The following USH1C variants were observed in gnomAD, a reference collection of about 807,000 sequenced individuals.
The protein encoded by USH1C is USH1 protein network component harmonin.
USH1C carries 90 observed loss-of-function variants against 119.3 expected under a neutral mutation model. That is an observed-to-expected ratio of 0.75 (90% CI 0.64 to 0.90). The LOEUF is 0.90. Ranked by LOEUF, USH1C falls within the 40% of genes least tolerant of loss-of-function variation. The pLI, the probability that USH1C is intolerant of heterozygous loss-of-function variation, is 0.00. For synonymous variants in USH1C, 465 were observed against 443.3 expected (o/e 1.05, Z -0.62); for missense variants, 1,165 against 1,167.7 (o/e 1.00, Z 0.03).
At chr11:17,521,295 C>A (rs1351801731) in intron 13 of USH1C, 51 bp downstream of exon 13, 2 of 1,601,658 alleles carry the variant, frequency 1.2e-6, no homozygotes, top group South Asian at 2.2e-5. Context: ...CCACACTCCC[C>A]TGAGCACACT....
intron 12 of USH1C, 147 bp from the exon 13 acceptor site, chr11:17,521,558 C>T (rs573613890): frequency 1.7e-5 from 13 of 782,138 alleles, no homozygotes; most frequent in African/African-American, 5.1e-5. Context: ...TTTTGGGGGA[C>T]GTTATCTAAC....
intron 2 of USH1C, among the ~76,000 whole-genome samples, chr11:17,533,042 G>C (rs1851057487): frequency 6.6e-6 from 1 of 152,122 alleles, no homozygotes; most frequent in African/African-American, 2.4e-5. Flanking sequence ...CAATCTGTCT[G>C]GCTCACAACT....
Position 17,526,362 on chromosome 11 carries a change from C to G in USH1C, c.659G>C (p.Arg220Pro), listed in dbSNP as rs754055631. The G allele has an allele frequency of 3.7e-6, 6 of 1,613,744 alleles. No individual in the cohort carries two copies. The African/African-American group carries it at 8.0e-5, about 22-fold the overall frequency. The change falls in exon 8 of 27, where the codon CGA (arginine) becomes CCA (proline). Residue 220 changes from arginine (R) to proline (P), a missense_variant. By Grantham distance (103) the Arg-to-Pro change is moderately radical. Transcript: ENST00000005226. ...KKVFISLVGS[R>P]GLGCSISSGP... The stretch of plus-strand genomic sequence containing the variant: ...TGCCACCCACCTGCAGCCAAGGCCT[C>G]GGGAGCCTACCAGGCTGATGAAGAC...
chr11:17,498,321 C>T (rs1341563136), intron 23 of USH1C, 50 bp from the exon 24 acceptor site: 7 of 1,564,286 alleles, frequency 4.5e-6, no homozygotes, highest in Middle Eastern at 1.7e-4. Context: ...GTGACACGTG[C>T]CTGGCCCAGG....
At position 17,530,170 on chromosome 11, in the gene USH1C, C is replaced by T. The variant is rs1850894831; in HGVS notation, c.387+984G>A. Among the ~76,000 whole-genome samples, 2 of 152,196 alleles carry T rather than the reference C, an allele frequency of 1.3e-5. 1 individual carries two copies. The highest frequency in any genetic ancestry group is 4.1e-4 in the South Asian group (2 of 4,832). ...CCCTTGAAAGCCCCAAGCTTGGCAG[C>T]CTGGATTGGGATGTTGATAACAAAC... On this transcript the variant is annotated intron_variant, in intron 4 of 26. Transcript: ENST00000005226.
In USH1C at chr11:17,523,241, G is replaced by T. The variant is rs757670837; in HGVS notation, c.846C>A (p.Arg282=). The change falls in exon 11 of 27, where the codon CGC becomes CGA. Residue 282 remains arginine (R), a synonymous_variant. Coordinates refer to ENST00000005226, the MANE Select transcript of USH1C (RefSeq NM_153676.4). ...CAGCTACAATGGAGATGGTCAGGCT[G>T]CGGCTACTCTTCAGCACATTTACAG... is the stretch of plus-strand genomic sequence containing the variant. ...KEAVNVLKSS[R]SLTISIVAAA... is the part of the protein sequence containing the mutation. The T allele has an allele frequency of 6.2e-7, 1 of 1,614,190 alleles. No homozygotes were observed. Among genetic ancestry groups the T allele is most frequent in the South Asian group, 1.1e-5 (1 of 91,086 alleles).
At chr11:17,520,331 G>T (rs1028371803) in intron 14 of USH1C, among the ~76,000 whole-genome samples, 1 of 152,232 alleles carries the variant, frequency 6.6e-6, no homozygotes, top group South Asian at 2.1e-4. Context: ...TGGGTGTCTG[G>T]GAGAGGCCTC....
chr11:17,524,182 T>G (rs1311607405), intron 9 of USH1C, among the ~76,000 whole-genome samples: 1 of 152,226 alleles, frequency 6.6e-6, no homozygotes, highest in African/African-American at 2.4e-5. Context: ...CAATGTCTGA[T>G]GCAAGTGGAC....
rs1849831755 is a variant in USH1C, at chr11:17,510,331, A to C, written c.1530+74T>G. 9 of 1,274,310 alleles carry C rather than the reference A, an allele frequency of 7.1e-6. No individual in the cohort carries two copies. The Admixed American group carries it at 1.4e-4, about 20-fold the overall frequency. The allele number at this position is 1,274,310 out of a possible 1,614,324, so 78.9% of individuals were successfully genotyped here. ...AGTGACGTTTGCTAGTTGTCATCTC[A>C]CCTCCCGCTGTCCCCACAGTGGGTC... On this transcript the variant is annotated intron_variant, in intron 17 of 26. Transcript: ENST00000005226.
intron 1 of USH1C, among the ~76,000 whole-genome samples, chr11:17,537,951 C>CT (rs1851294820): frequency 6.6e-6 from 1 of 152,204 alleles, no homozygotes; most frequent in Non-Finnish European, 1.5e-5. Flanking sequence ...AAAACCTCTG[C>CT]TTTTTTTCAA....
intron 21 of USH1C, 44 bp from the exon 22 acceptor site, chr11:17,501,579 G>T: frequency 1.3e-6 from 2 of 1,590,798 alleles, no homozygotes; most frequent in Middle Eastern, 1.7e-4. Context: ...TGGCCTGAAG[G>T]ATGGCGCTTG....
At chr11:17,517,903 G>C (rs996807786) in intron 14 of USH1C, among the ~76,000 whole-genome samples, 1 of 152,214 alleles carries the variant, frequency 6.6e-6, no homozygotes, top group African/African-American at 2.4e-5. Context: ...TGGGACCCTA[G>C]GGGATGTCTG....
chr11:17,515,855 T>C (rs1345888507), intron 15 of USH1C, among the ~76,000 whole-genome samples: 1 of 152,192 alleles, frequency 6.6e-6, no homozygotes, highest in East Asian at 1.9e-4. Context: ...GCTGGTCTCA[T>C]AACATGCACT....
At chr11:17,499,054 A>T (rs554037932) in intron 23 of USH1C, among the ~76,000 whole-genome samples, 1 of 152,358 alleles carries the variant, frequency 6.6e-6, no homozygotes, top group African/African-American at 2.4e-5. Flanking sequence ...TATAAGCTGA[A>T]CAGAGCTACT....
At chr11:17,507,217 C>T (rs1849685546) in intron 18 of USH1C, among the ~76,000 whole-genome samples, 1 of 152,178 alleles carries the variant, frequency 6.6e-6, no homozygotes, top group Admixed American at 6.5e-5. Context: ...GTGGGTGGTA[C>T]AAGGGTGAGA....
chr11:17,518,099 A>C (rs970253276), intron 14 of USH1C, among the ~76,000 whole-genome samples: 1 of 152,256 alleles, frequency 6.6e-6, no homozygotes, highest in African/African-American at 2.4e-5. Context: ...TCTGGAAGGT[A>C]GTATACCCGT....
chr11:17,522,758 G>C (rs370832201), intron 12 of USH1C, 26 bp downstream of exon 12: 2 of 1,613,552 alleles, frequency 1.2e-6, no homozygotes, highest in African/African-American at 2.7e-5. Context: ...AGGCGGGACA[G>C]GGCATCCAGG....
intron 14 of USH1C, 87 bp from the exon 15 acceptor site, chr11:17,516,377 G>A: frequency 7.6e-7 from 1 of 1,310,400 alleles, no homozygotes; most frequent in Non-Finnish European, 1.1e-6. Context: ...GGGTTCCCAA[G>A]GAATGCATGA....
At chr11:17,513,707 G>C (rs1850004538) in intron 15 of USH1C, among the ~76,000 whole-genome samples, 1 of 152,128 alleles carries the variant, frequency 6.6e-6, no homozygotes, top group Non-Finnish European at 1.5e-5. Flanking sequence ...TAGAGATTCA[G>C]ACAGCAATTT....
Sources: allele counts gnomAD v4.1 joint callset (sites outside exome capture counted in the v4.1 genomes callset), GRCh38; gene constraint gnomAD v4.1.1; transcripts MANE v1.5; gene names NCBI Gene and HGNC (gene_info 2026-07-23, HGNC 2026-07-21).